Variants in TMEM132D observed in about 807,000 individuals in gnomAD.
TMEM132D encodes the protein mature OL transmembrane protein.
In TMEM132D, 21 loss-of-function variants were observed where a neutral mutation model predicts 62.3. That is an observed-to-expected ratio of 0.34 (90% CI 0.24 to 0.49). The LOEUF (loss-of-function observed/expected upper bound fraction) is 0.49. Ranked by LOEUF, TMEM132D falls within the 20% of genes least tolerant of loss-of-function variation. TMEM132D has a pLI of 0.99. For synonymous variants in TMEM132D, 621 were observed against 575.6 expected (o/e 1.08, Z -1.13); for missense variants, 1,346 against 1,402.8 (o/e 0.96, Z 0.65).
intron 3 of TMEM132D, among the ~76,000 whole-genome samples, chr12:129,380,373 CTT>C (rs1190496039): frequency 6.6e-6 from 1 of 152,130 alleles, no homozygotes; most frequent in Non-Finnish European, 1.5e-5. Context: ...TTAATTGTAA[CTT>C]ATATTGATAT....
chr12:129,374,153 TA>T (rs1247329749), intron 3 of TMEM132D, among the ~76,000 whole-genome samples: 1 of 152,170 alleles, frequency 6.6e-6, no homozygotes, highest in Non-Finnish European at 1.5e-5. Flanking sequence ...AACGGACATT[TA>T]TTTCTCAGCA....
At chr12:129,716,981 G>A in intron 1 of TMEM132D, among the ~76,000 whole-genome samples, 1 of 152,212 alleles carries the variant, frequency 6.6e-6, no homozygotes. Context: ...AGGTGGAGTT[G>A]TGCCAGGCCT....
At chr12:129,597,610 A>G (rs1878372906) in intron 2 of TMEM132D, among the ~76,000 whole-genome samples, 1 of 152,206 alleles carries the variant, frequency 6.6e-6, no homozygotes, top group African/African-American at 2.4e-5. Flanking sequence ...TCCAAGGACT[A>G]AAATATCATT....
chr12:129,086,201 C>CGCGCGTGTGTGTGT (rs1349816832), intron 5 of TMEM132D, among the ~76,000 whole-genome samples: 1,628 of 141,068 alleles, frequency 0.012, 13 homozygotes, highest in Middle Eastern at 0.054. Flanking sequence ...CACGCGCGCG[C>CGCGCGTGTGTGTGT]GTGTGTGTGT....
intron 2 of TMEM132D, among the ~76,000 whole-genome samples, chr12:129,605,660 C>A (rs1297764048): frequency 7.1e-6 from 1 of 140,914 alleles, no homozygotes. Context: ...TATACATATA[C>A]ATATATATAT....
chr12:129,638,915 C>A (rs896934974), intron 2 of TMEM132D, among the ~76,000 whole-genome samples: 8 of 152,028 alleles, frequency 5.3e-5, no homozygotes, highest in Non-Finnish European at 7.3e-5. Context: ...TACAGACTAA[C>A]ACAGCATATG....
At chr12:129,571,661 T>C (rs535557703) in intron 2 of TMEM132D, among the ~76,000 whole-genome samples, 50 of 152,182 alleles carry the variant, frequency 3.3e-4, no homozygotes, top group Admixed American at 3.3e-4. Flanking sequence ...GGCTTGCATG[T>C]GCACCGTGGG....
Position 129,623,692 on chromosome 12 carries a change from T to TACAC in TMEM132D, c.968+76117_968+76118insGTGT, listed in dbSNP as rs1555222204. On this transcript the variant is annotated intron_variant, in intron 2 of 8. Coordinates refer to ENST00000422113, the MANE Select transcript of TMEM132D (RefSeq NM_133448.3). ...ATATATACACATATATATACATATATACATATATATACATACATATGCATA... is the reference window on the plus strand; with the variant it reads ...ATATATACACATATATATACATATATACACACATATATATACATACATATGCATA... Among the ~76,000 whole-genome samples, 6 of 137,502 alleles carry TACAC rather than the reference T, an allele frequency of 4.4e-5. No individual in the cohort carries two copies. The South Asian group carries it at 1.1e-3, about 26-fold the overall frequency. 90.2% of individuals were successfully genotyped at this position (137,502 alleles called of 152,430 possible). A position where few individuals can be genotyped will look rare whatever the true frequency, so the allele number is the denominator to read the frequency against.
chr12:129,808,835 A>G (rs1872077386), intron 1 of TMEM132D, among the ~76,000 whole-genome samples: 1 of 152,132 alleles, frequency 6.6e-6, no homozygotes. Flanking sequence ...TTTTACAAAG[A>G]ACACAAAGAT....
At chr12:129,645,973 C>A (rs1453223344) in intron 2 of TMEM132D, among the ~76,000 whole-genome samples, 1 of 152,134 alleles carries the variant, frequency 6.6e-6, no homozygotes, top group Non-Finnish European at 1.5e-5. Context: ...AATATTCCAC[C>A]ATTTGTTGAG....
chr12:129,517,182 G>A (rs1188014786), intron 3 of TMEM132D, among the ~76,000 whole-genome samples: 2 of 152,108 alleles, frequency 1.3e-5, no homozygotes, highest in Non-Finnish European at 2.9e-5. Context: ...GTATTATTCA[G>A]CCCACCACAG....
chr12:129,553,905 T>G (rs1408406194), intron 2 of TMEM132D, among the ~76,000 whole-genome samples: 3 of 152,314 alleles, frequency 2.0e-5, no homozygotes, highest in Admixed American at 6.5e-5. Context: ...TCACTTCCCA[T>G]GCTTTGCGTA....
At chr12:129,726,549 GGA>G (rs1869045257) in intron 1 of TMEM132D, among the ~76,000 whole-genome samples, 1 of 151,978 alleles carries the variant, frequency 6.6e-6, no homozygotes, top group Admixed American at 6.6e-5. Context: ...AAGGGTCTGT[GGA>G]CCATGGTGAA....
intron 5 of TMEM132D, among the ~76,000 whole-genome samples, chr12:129,163,231 A>T (rs1877449376): frequency 6.6e-6 from 1 of 152,248 alleles, no homozygotes; most frequent in African/African-American, 2.4e-5. Context: ...AAATTGATGA[A>T]GCGTTTCATG....
At chr12:129,642,525 C>A (rs1474492030) in intron 2 of TMEM132D, among the ~76,000 whole-genome samples, 2 of 152,232 alleles carry the variant, frequency 1.3e-5, no homozygotes, top group South Asian at 4.1e-4. Context: ...CACACTCAGA[C>A]CTAGCCTCCA....
At chr12:129,140,376 C>A (rs1355679501) in intron 5 of TMEM132D, among the ~76,000 whole-genome samples, 2 of 152,140 alleles carry the variant, frequency 1.3e-5, no homozygotes, top group Non-Finnish European at 2.9e-5. Context: ...CGGTCTCCCC[C>A]CAGAAACGTT....
chr12:129,092,713 A>G (rs1310119417), intron 5 of TMEM132D, among the ~76,000 whole-genome samples: 1 of 152,232 alleles, frequency 6.6e-6, no homozygotes, highest in Admixed American at 6.5e-5. Context: ...GAAAGATAAC[A>G]TTAATAATAG....
chr12:129,241,148 C>T (rs1409630361), intron 4 of TMEM132D, among the ~76,000 whole-genome samples: 2 of 117,498 alleles, frequency 1.7e-5, no homozygotes, highest in South Asian at 2.8e-4. Context: ...GCCCTCTTAC[C>T]TCAAAAAAAA....
chr12:129,859,636 C>T lies in TMEM132D; in HGVS notation c.79+43625G>A, dbSNP rs946515814. On this transcript the variant is annotated intron_variant, in intron 1 of 8. Coordinates refer to ENST00000422113, the MANE Select transcript of TMEM132D (RefSeq NM_133448.3). ...GGCACCAACCAATCAGCTGCCAACG[C>T]GGCTAGAAAAAAGCAGGCAAAGAGG... 5.9e-5 allele frequency among the ~76,000 whole-genome samples: 9 copies of T among 152,276 alleles called. No homozygotes were observed. The South Asian group carries it at 8.3e-4, about 14-fold the overall frequency.
Sources: allele counts gnomAD v4.1 joint callset (sites outside exome capture counted in the v4.1 genomes callset), GRCh38; gene constraint gnomAD v4.1.1; transcripts MANE v1.5; gene names NCBI Gene and HGNC (gene_info 2026-07-23, HGNC 2026-07-21).